The following SUSD6 variants were observed in gnomAD, a reference collection of about 807,000 sequenced individuals.
The protein encoded by SUSD6 is sushi domain containing 6.
A neutral mutation model predicts 28.4 loss-of-function variants in SUSD6; 16 were observed. The ratio of observed to expected loss-of-function variants is 0.56; its 90% CI spans 0.38 to 0.86. The LOEUF (loss-of-function observed/expected upper bound fraction) is 0.86. Ranked by LOEUF, SUSD6 falls within the 40% of genes least tolerant of loss-of-function variation. SUSD6 has a pLI of 0.00. For synonymous variants in SUSD6, 147 were observed against 159.6 expected (o/e 0.92, Z 0.59); for missense variants, 341 against 384.2 (o/e 0.89, Z 0.94).
At position 69,665,214 on chromosome 14, in the gene SUSD6, C is replaced by T. The variant is rs1302857039; in HGVS notation, c.121+6501C>T. On this transcript the variant is annotated intron_variant, in intron 2 of 5. Transcript: ENST00000342745. ...TCAGCTAATTTAACACATGAAAATC[C>T]GAATTCACTGAAAGATGAGGGTGTG... Among the ~76,000 whole-genome samples, 5 of 152,246 alleles carry T rather than the reference C, an allele frequency of 3.3e-5. No homozygotes were observed. The South Asian group carries it at 6.2e-4, about 19-fold the overall frequency.
chr14:69,615,935 C>T (rs1459268312), intron 1 of SUSD6, among the ~76,000 whole-genome samples: 1 of 152,210 alleles, frequency 6.6e-6, no homozygotes, highest in Non-Finnish European at 1.5e-5. Context: ...CTGTTACTGT[C>T]GCCAGTGTTA....
chr14:69,684,664 C>A (rs79973618), intron 2 of SUSD6, among the ~76,000 whole-genome samples: 1 of 152,234 alleles, frequency 6.6e-6, no homozygotes, highest in Non-Finnish European at 1.5e-5. Context: ...GTGGAAACAT[C>A]GTGTCTGTAG....
chr14:69,705,511 T>C lies in SUSD6; in HGVS notation c.458+769T>C, dbSNP rs940152250. On this transcript the variant is annotated intron_variant, in intron 4 of 5. Transcript: ENST00000342745. ...TAACAAGCTGTCCAGGTGATTTTGA[T>C]GAACACTTAAGTTTGTGAGCCACTA... is the stretch of plus-strand genomic sequence containing the variant. Among the ~76,000 whole-genome samples the C allele has an allele frequency of 2.0e-5, 3 of 152,226 alleles. No homozygotes were observed. The East Asian group carries it at 5.8e-4, about 29-fold the overall frequency.
intron 1 of SUSD6, among the ~76,000 whole-genome samples, chr14:69,644,636 C>G (rs929050325): frequency 6.7e-6 from 1 of 150,170 alleles, no homozygotes; most frequent in East Asian, 1.9e-4. Flanking sequence ...AGTGAGACTC[C>G]GTCTCAAAAA....
intron 2 of SUSD6, among the ~76,000 whole-genome samples, chr14:69,676,082 A>G (rs1160241938): frequency 1.3e-5 from 2 of 152,332 alleles, no homozygotes; most frequent in Middle Eastern, 6.8e-3. Flanking sequence ...GGGGGAAAAG[A>G]TAAGACAATT....
intron 2 of SUSD6, among the ~76,000 whole-genome samples, chr14:69,694,405 A>G (rs969387938): frequency 6.6e-6 from 1 of 152,218 alleles, no homozygotes; most frequent in African/African-American, 2.4e-5. Flanking sequence ...AGGACTACCC[A>G]GTGGGTAACT....
At chr14:69,689,363 A>C (rs1886121126) in intron 2 of SUSD6, among the ~76,000 whole-genome samples, 1 of 152,206 alleles carries the variant, frequency 6.6e-6, no homozygotes, top group African/African-American at 2.4e-5. Flanking sequence ...TGTTGAAAAA[A>C]TGAATGGCAG....
At chr14:69,691,813 G>A (rs1886156529) in intron 2 of SUSD6, among the ~76,000 whole-genome samples, 1 of 152,142 alleles carries the variant, frequency 6.6e-6, no homozygotes, top group African/African-American at 2.4e-5. Flanking sequence ...GCTGAGGCGG[G>A]TGGATTACCT....
chr14:69,643,356 C>T (rs1469720270), intron 1 of SUSD6, among the ~76,000 whole-genome samples: 1 of 152,170 alleles, frequency 6.6e-6, no homozygotes, highest in Admixed American at 6.5e-5. Context: ...AGATTCACAT[C>T]ATGTCAGTTT....
chr14:69,685,745 G>A (rs1007990435), intron 2 of SUSD6, among the ~76,000 whole-genome samples: 1 of 152,250 alleles, frequency 6.6e-6, no homozygotes. Flanking sequence ...CGTGGTGGGG[G>A]AGTGAGAGGG....
At chr14:69,678,443 A>T (rs899857603) in intron 2 of SUSD6, among the ~76,000 whole-genome samples, 7 of 152,138 alleles carry the variant, frequency 4.6e-5, no homozygotes, top group Non-Finnish European at 8.8e-5. Flanking sequence ...TTGTATTAAT[A>T]ACAAAATATT....
At chr14:69,636,277 CAGTA>C (rs1349799260) in intron 1 of SUSD6, among the ~76,000 whole-genome samples, 1 of 152,168 alleles carries the variant, frequency 6.6e-6, no homozygotes, top group African/African-American at 2.4e-5. Flanking sequence ...ACGGAGGTGA[CAGTA>C]AGGGCAGCTA....
intron 1 of SUSD6, among the ~76,000 whole-genome samples, chr14:69,619,627 T>A (rs985215734): frequency 6.6e-6 from 1 of 151,158 alleles, no homozygotes; most frequent in Non-Finnish European, 1.5e-5. Flanking sequence ...AAAAATTAGC[T>A]GGGCATGGTG....
rs575982168 is a variant in SUSD6 at position 69,642,691 on chromosome 14, T to C, written c.-80-15822T>C. ...TCCCTCCCACAACACGAGAGAATTCTGGGCGATACAATTCAAGGTGAGATT... is the reference window on the plus strand; with the variant it reads ...TCCCTCCCACAACACGAGAGAATTCCGGGCGATACAATTCAAGGTGAGATT... On this transcript the variant is annotated intron_variant, in intron 1 of 5. Coordinates refer to ENST00000342745, the MANE Select transcript of SUSD6 (RefSeq NM_014734.4). 1.0e-4 allele frequency among the ~76,000 whole-genome samples: 14 copies of C among 139,594 alleles called. 1 individual carries two copies. The East Asian group carries it at 3.3e-3, about 33-fold the overall frequency. 91.6% of individuals were successfully genotyped at this position (139,594 alleles called of 152,430 possible). A position where few individuals can be genotyped will look rare whatever the true frequency, so the allele number is the denominator to read the frequency against.
At position 69,655,615 on chromosome 14, in the gene SUSD6, A is replaced by AGT. The variant is rs530896924; in HGVS notation, c.-80-2896_-80-2895dup. ...AGTTTGAGAGCAGCCTGGGCGACAT[A>AGT]GTGAGACATCCTCTCTCTTTAAAAG... is the stretch of plus-strand genomic sequence containing the variant. On this transcript the variant is annotated intron_variant, in intron 1 of 5. Transcript: ENST00000342745. Among the ~76,000 whole-genome samples the AGT allele has an allele frequency of 1.7e-3, 265 of 151,986 alleles. 2 individuals are homozygous for AGT. The highest frequency in any genetic ancestry group is 6.1e-3 in the African/African-American group (251 of 41,432).
chr14:69,632,394 G>C (rs1885207510), intron 1 of SUSD6, among the ~76,000 whole-genome samples: 1 of 152,134 alleles, frequency 6.6e-6, no homozygotes, highest in South Asian at 2.1e-4. Flanking sequence ...ATGCAGCTGG[G>C]GAGGATTGCC....
chr14:69,619,818 T>C (rs1345146258), intron 1 of SUSD6, among the ~76,000 whole-genome samples: 2 of 152,034 alleles, frequency 1.3e-5, no homozygotes, highest in African/African-American at 4.8e-5. Context: ...GCCAATGGGA[T>C]GTGTGCTCTG....
Position 69,709,091 on chromosome 14 carries a change from G to A in SUSD6, c.873G>A (p.Glu291=). 6.3e-7 allele frequency: 1 copy of A among 1,594,620 alleles called. No individual in the cohort carries two copies. Among genetic ancestry groups the A allele is most frequent in the Non-Finnish European group, 8.5e-7 (1 of 1,169,872 alleles). Reference sequence around the variant, plus strand: ...AAAGCCTTTTATCCCTCACGTCAGAGGAGTACACAGATGGTGAGTGGTCCA... The same window carrying A: ...AAAGCCTTTTATCCCTCACGTCAGAAGAGTACACAGATGGTGAGTGGTCCA... ...DIQSLLSLTS[E]EYTDDIPLLK... Residue 291 remains glutamate (E), a synonymous_variant, in exon 5 of 6, where the codon GAG becomes GAA. Coordinates refer to ENST00000342745, the MANE Select transcript of SUSD6 (RefSeq NM_014734.4).
chr14:69,684,169 A>G (rs566262925), intron 2 of SUSD6, among the ~76,000 whole-genome samples: 16 of 152,342 alleles, frequency 1.1e-4, no homozygotes, highest in African/African-American at 3.8e-4. Flanking sequence ...TCGTTGGAGA[A>G]TGAGATTGGC....
Sources: gnomAD v4.1 joint callset for allele counts (sites outside exome capture counted in the v4.1 genomes callset) on GRCh38, gnomAD v4.1.1 for gene constraint, MANE v1.5 for transcripts, NCBI Gene and HGNC (gene_info 2026-07-23, HGNC 2026-07-21) for gene names.